Variants in DARS2 observed in about 807,000 individuals in gnomAD.
DARS2 encodes aspartate--tRNA ligase, mitochondrial.
Under a neutral mutation model 83.0 loss-of-function variants are expected in DARS2, and 63 were observed. The observed-to-expected ratio is 0.76, with a 90% CI of 0.62 to 0.94. The LOEUF (loss-of-function observed/expected upper bound fraction) is 0.94. DARS2 is among the 40% of genes least tolerant of loss of function. DARS2 has a pLI of 0.00. For synonymous variants in DARS2, 250 were observed against 269.3 expected, an observed-to-expected ratio of 0.93 and a Z score of 0.70; for missense variants, 675 against 774.4, an observed-to-expected ratio of 0.87 and a Z score of 1.52.
chr1:173,835,371 G>A (rs979781823), intron 7 of DARS2, among the ~76,000 whole-genome samples: 21 of 151,078 alleles, frequency 1.4e-4, no homozygotes, highest in Non-Finnish European at 2.5e-4. Context: ...GATTACAGGC[G>A]TGAGCCACCG....
chr1:173,826,665 CTTTTT>C lies in DARS2; in HGVS notation c.128-9_128-5del. ...TTTTTAATCTTGCCTTTTAAAGTTT[CTTTTT>C]TTTTTTTTTTTTAAAGAATTCAGTA... is the stretch of plus-strand genomic sequence containing the variant. On this transcript the variant is annotated splice_polypyrimidine_tract_variant and intron_variant, in intron 1 of 16. Coordinates refer to ENST00000649689, the MANE Select transcript of DARS2 (RefSeq NM_018122.5). The C allele has an allele frequency of 3.2e-6, 4 of 1,260,620 alleles. No individual in the cohort carries two copies. Among genetic ancestry groups the C allele is most frequent in the Non-Finnish European group, 4.4e-6 (4 of 913,094 alleles). 78.1% of individuals were successfully genotyped at this position (1,260,620 alleles called of 1,614,324 possible).
intron 11 of DARS2, 91 bp downstream of exon 11, chr1:173,841,064 A>G: frequency 1.2e-6 from 1 of 867,536 alleles, no homozygotes; most frequent in Non-Finnish European, 2.0e-6. Context: ...CAGAAAGAAC[A>G]ATTCTTTTTA....
At chr1:173,852,982 T>C (rs1488746403) in intron 13 of DARS2, among the ~76,000 whole-genome samples, 1 of 152,200 alleles carries the variant, frequency 6.6e-6, no homozygotes, top group Non-Finnish European at 1.5e-5. Flanking sequence ...ATGTATATTA[T>C]CTTAAGCTTC....
At chr1:173,830,535 C>T in intron 3 of DARS2, 125 bp from the exon 4 acceptor site, 2 of 781,094 alleles carry the variant, frequency 2.6e-6, no homozygotes, top group South Asian at 1.4e-5. Flanking sequence ...CATTAAGGAG[C>T]AGCCCCAGCC....
chr1:173,832,469 C>A (rs1652826256), intron 5 of DARS2, among the ~76,000 whole-genome samples: 1 of 152,020 alleles, frequency 6.6e-6, no homozygotes, highest in African/African-American at 2.4e-5. Context: ...AGATTTGTAG[C>A]CTTGAAAATA....
At chr1:173,833,184 ATAG>A (rs1483262902) in intron 5 of DARS2, among the ~76,000 whole-genome samples, 189 bp from the exon 6 acceptor site, 1 of 152,216 alleles carries the variant, frequency 6.6e-6, no homozygotes, top group Non-Finnish European at 1.5e-5. Flanking sequence ...TTAATAATGA[ATAG>A]TAAAAAAATG....
intron 4 of DARS2, among the ~76,000 whole-genome samples, chr1:173,831,143 T>C (rs1652782574): frequency 6.6e-6 from 1 of 151,984 alleles, no homozygotes; most frequent in Non-Finnish European, 1.5e-5. Context: ...TCACCATCTC[T>C]TGACCTCATG....
chr1:173,846,120 T>C (rs1021559873), intron 12 of DARS2, among the ~76,000 whole-genome samples: 5 of 150,426 alleles, frequency 3.3e-5, no homozygotes, highest in Non-Finnish European at 7.4e-5. Context: ...ATTGTGCCAC[T>C]GCACTCCAGC....
chr1:173,840,038 A>C (rs538105201), intron 10 of DARS2, among the ~76,000 whole-genome samples: 2 of 152,280 alleles, frequency 1.3e-5, no homozygotes, highest in East Asian at 3.9e-4. Flanking sequence ...ATATCCCTTG[A>C]TCCCTGTAAT....
Position 173,825,134 on chromosome 1 carries a change from G to A in DARS2, c.-96G>A. 1.3e-6 allele frequency: 2 copies of A among 1,564,120 alleles called. No homozygotes were observed. Among genetic ancestry groups the A allele is most frequent in the Non-Finnish European group, 1.7e-6 (2 of 1,144,494 alleles). The stretch of plus-strand genomic sequence containing the variant: ...TTCGAGAAGAGAGTGGGAACTCCTG[G>A]AATTTTAAGGGATTTCTGTGTATTT... On this transcript the variant is annotated 5_prime_UTR_variant, in exon 1 of 17. Coordinates refer to ENST00000649689, the MANE Select transcript of DARS2 (RefSeq NM_018122.5).
chr1:173,836,323 C>A (rs563832951), intron 7 of DARS2, among the ~76,000 whole-genome samples: 4 of 151,708 alleles, frequency 2.6e-5, no homozygotes, highest in Non-Finnish European at 5.9e-5. Context: ...GGGCAGATCA[C>A]GAGGTCAGGA....
chr1:173,835,237 G>T (rs533835861), intron 7 of DARS2, among the ~76,000 whole-genome samples: 1 of 151,398 alleles, frequency 6.6e-6, no homozygotes, highest in Non-Finnish European at 1.5e-5. Flanking sequence ...CTACAGGTGC[G>T]CACCACCACA....
intron 13 of DARS2, among the ~76,000 whole-genome samples, chr1:173,851,186 T>A (rs576414864): frequency 6.7e-6 from 1 of 149,048 alleles, no homozygotes; most frequent in East Asian, 2.0e-4. Flanking sequence ...GAGGGGGAGG[T>A]TGCAGTGAGC....
At chr1:173,850,206 G>A in intron 12 of DARS2, 121 bp from the exon 13 acceptor site, 1 of 1,152,950 alleles carries the variant, frequency 8.7e-7, no homozygotes, top group Non-Finnish European at 1.2e-6. Context: ...AGATAATAGA[G>A]ACAATCTCTT....
At chr1:173,845,101 T>C (rs572173472) in intron 11 of DARS2, 128 bp from the exon 12 acceptor site, 2 of 690,970 alleles carry the variant, frequency 2.9e-6, no homozygotes, top group Non-Finnish European at 5.2e-6. Context: ...AGCCCAGACA[T>C]TGAATTTTTA....
intron 11 of DARS2, among the ~76,000 whole-genome samples, chr1:173,842,320 A>AGG (rs1653259603): frequency 3.3e-5 from 1 of 30,038 alleles, no homozygotes; most frequent in East Asian, 8.7e-4. Context: ...TTTTTTTTAG[A>AGG]GTGAGTCTTG....
At chr1:173,829,016 A>G (rs996801936) in intron 3 of DARS2, among the ~76,000 whole-genome samples, 3 of 152,196 alleles carry the variant, frequency 2.0e-5, no homozygotes, top group Non-Finnish European at 4.4e-5. Context: ...TTACAATACA[A>G]TACTCTACTC....
intron 4 of DARS2, 36 bp from the exon 5 acceptor site, chr1:173,831,499 A>C (rs754063229): frequency 3.7e-5 from 52 of 1,398,114 alleles, no homozygotes; most frequent in Non-Finnish European, 4.9e-5. Context: ...TATCCTGATG[A>C]GTAATTTTTA....
intron 13 of DARS2, 61 bp downstream of exon 13, chr1:173,850,540 A>G: frequency 6.5e-7 from 1 of 1,535,076 alleles, no homozygotes; most frequent in Non-Finnish European, 8.9e-7. Context: ...TTACTCTCCT[A>G]TGTATATAGT....
Sources: gnomAD v4.1 joint callset for allele counts (sites outside exome capture counted in the v4.1 genomes callset) on GRCh38, gnomAD v4.1.1 for gene constraint, MANE v1.5 for transcripts, NCBI Gene and HGNC (gene_info 2026-07-23, HGNC 2026-07-21) for gene names.